Variants in SLIT2 observed in about 807,000 individuals in gnomAD.
The protein encoded by SLIT2 is slit guidance ligand 2, also known as slit homolog 2 protein.
Under a neutral mutation model 185.7 loss-of-function variants are expected in SLIT2, and 41 were observed. The observed-to-expected ratio is 0.22, with a 90% CI of 0.17 to 0.29. The LOEUF is 0.29. Ranked by LOEUF, SLIT2 falls within the 10% of genes least tolerant of loss-of-function variation. The pLI, the probability that SLIT2 is intolerant of heterozygous loss-of-function variation, is 1.00. For synonymous variants in SLIT2, 693 were observed against 680.2 expected, an observed-to-expected ratio of 1.02 and a Z score of -0.29; for missense variants, 1,571 against 1,909.0, an observed-to-expected ratio of 0.82 and a Z score of 3.30.
rs560473998 is a variant in SLIT2 at position 20,438,992 on chromosome 4, G to C, written c.396-28760G>C. Among the ~76,000 whole-genome samples, 3 of 152,174 alleles carry C rather than the reference G, an allele frequency of 2.0e-5. No individual in the cohort carries two copies. The East Asian group carries it at 5.8e-4, about 29-fold the overall frequency. ...ATACTATATTGTTTACTTATCTGCT[G>C]TTGTCTCTCTTCTCTCATTAGAATG... On this transcript the variant is annotated intron_variant, in intron 4 of 36. Transcript: ENST00000504154.
chr4:20,548,737 T>C (rs139349120), intron 23 of SLIT2, among the ~76,000 whole-genome samples, 178 bp downstream of exon 23: 2 of 152,020 alleles, frequency 1.3e-5, no homozygotes, highest in African/African-American at 4.8e-5. Flanking sequence ...AGTATTGCGT[T>C]CTATTAAAAA....
intron 15 of SLIT2, among the ~76,000 whole-genome samples, chr4:20,527,170 TC>T (rs1467163406): frequency 2.0e-5 from 3 of 152,214 alleles, no homozygotes; most frequent in Non-Finnish European, 4.4e-5. Context: ...GTAATGATTG[TC>T]CTTGAGGATC....
chr4:20,412,575 A>G (rs576701532), intron 4 of SLIT2, among the ~76,000 whole-genome samples: 2 of 152,266 alleles, frequency 1.3e-5, no homozygotes, highest in Non-Finnish European at 2.9e-5. Context: ...CTATTTTGTC[A>G]TGCAAGCATC....
Position 20,511,046 on chromosome 4 carries a change from A to C in SLIT2, c.987-20A>C, listed in dbSNP as rs1388502555. ...ACTGACATTTGATTGAATGTAACCTAACCCTATTTCTAATCTTAGTGACCT... is the reference window on the plus strand; with the variant it reads ...ACTGACATTTGATTGAATGTAACCTCACCCTATTTCTAATCTTAGTGACCT... On this transcript the variant is annotated intron_variant, in intron 10 of 36. Coordinates refer to ENST00000504154, the MANE Select transcript of SLIT2 (RefSeq NM_004787.4). 6.6e-7 allele frequency: 1 copy of C among 1,508,352 alleles called. No individual in the cohort carries two copies. The highest frequency in any genetic ancestry group is 2.3e-5 in the East Asian group (1 of 44,298). 93.4% of individuals were successfully genotyped at this position (1,508,352 alleles called of 1,614,324 possible).
At chr4:20,614,202 T>G (rs927154722) in intron 34 of SLIT2, among the ~76,000 whole-genome samples, 3 of 152,112 alleles carry the variant, frequency 2.0e-5, no homozygotes, top group Non-Finnish European at 4.4e-5. Flanking sequence ...TTCATGTTTT[T>G]CTGTCTGTAG....
chr4:20,533,021 C>T (rs919656767), intron 17 of SLIT2, among the ~76,000 whole-genome samples: 1 of 152,198 alleles, frequency 6.6e-6, no homozygotes, highest in Non-Finnish European at 1.5e-5. Context: ...ACTAGATACT[C>T]TTGCCTTCTG....
At chr4:20,370,366 C>T (rs185623988) in intron 4 of SLIT2, among the ~76,000 whole-genome samples, 5 of 152,100 alleles carry the variant, frequency 3.3e-5, no homozygotes, top group Admixed American at 6.6e-5. Flanking sequence ...CTCCCTGAGG[C>T]GGCCAATGCC....
At chr4:20,526,330 T>A (rs779954116) in intron 15 of SLIT2, among the ~76,000 whole-genome samples, 56 of 152,160 alleles carry the variant, frequency 3.7e-4, no homozygotes, top group Admixed American at 1.5e-3. Flanking sequence ...ACTGGCTGCA[T>A]AACAAGTAAC....
chr4:20,378,259 T>C (rs530289711), intron 4 of SLIT2, among the ~76,000 whole-genome samples: 73 of 152,268 alleles, frequency 4.8e-4, no homozygotes, highest in African/African-American at 1.7e-3. Context: ...TTTCACATAA[T>C]AGAAAAAAAT....
At chr4:20,432,068 TGAAGGAAG>T (rs943832758) in intron 4 of SLIT2, among the ~76,000 whole-genome samples, 2 of 151,610 alleles carry the variant, frequency 1.3e-5, no homozygotes, top group African/African-American at 2.4e-5. Context: ...TGTGAATGAA[TGAAGGAAG>T]GAAGGAAGGA....
intron 26 of SLIT2, among the ~76,000 whole-genome samples, chr4:20,556,595 C>A (rs909709345): frequency 6.6e-6 from 1 of 152,000 alleles, no homozygotes; most frequent in Non-Finnish European, 1.5e-5. Flanking sequence ...CTCTCTTTCA[C>A]CTTGGGAATC....
chr4:20,572,467 A>T (rs1352209613), intron 29 of SLIT2, among the ~76,000 whole-genome samples: 1 of 152,078 alleles, frequency 6.6e-6, no homozygotes, highest in East Asian at 1.9e-4. Flanking sequence ...TTGTTTGGTT[A>T]TTTTTTTAAA....
intron 4 of SLIT2, among the ~76,000 whole-genome samples, chr4:20,283,258 C>G (rs1714963313): frequency 6.6e-6 from 1 of 152,198 alleles, no homozygotes; most frequent in Admixed American, 6.5e-5. Flanking sequence ...ACCTGCTGTG[C>G]ACAGCATTCT....
chr4:20,314,003 G>T (rs1371119565), intron 4 of SLIT2, among the ~76,000 whole-genome samples: 1 of 152,152 alleles, frequency 6.6e-6, no homozygotes, highest in African/African-American at 2.4e-5. Context: ...TCTTATGACT[G>T]CAAATTGTAT....
intron 4 of SLIT2, among the ~76,000 whole-genome samples, chr4:20,467,085 G>A (rs1197276214): frequency 6.6e-6 from 1 of 152,124 alleles, no homozygotes; most frequent in Non-Finnish European, 1.5e-5. Context: ...GCTTTGTTCA[G>A]TGATTAAAAT....
chr4:20,300,251 T>C (rs542491074), intron 4 of SLIT2, among the ~76,000 whole-genome samples: 8 of 152,106 alleles, frequency 5.3e-5, no homozygotes, highest in Non-Finnish European at 1.2e-4. Context: ...CAATGAATCA[T>C]TTAGGATGGT....
chr4:20,600,539 C>G (rs1000127615), intron 33 of SLIT2, among the ~76,000 whole-genome samples: 1 of 150,382 alleles, frequency 6.6e-6, no homozygotes, highest in Non-Finnish European at 1.5e-5. Flanking sequence ...TCTCCTGCCT[C>G]GGCCTCCCAA....
At chr4:20,362,274 G>T (rs1233798170) in intron 4 of SLIT2, among the ~76,000 whole-genome samples, 1 of 152,118 alleles carries the variant, frequency 6.6e-6, no homozygotes, top group Non-Finnish European at 1.5e-5. Flanking sequence ...CTTGGAGTCA[G>T]TTGTGGAGCA....
intron 4 of SLIT2, among the ~76,000 whole-genome samples, chr4:20,451,432 G>A (rs1042246419): frequency 6.6e-5 from 10 of 152,110 alleles, no homozygotes; most frequent in African/African-American, 2.2e-4. Flanking sequence ...AATGCTATAA[G>A]TCAGAAAAGG....
Sources: gnomAD v4.1 joint callset for allele counts (sites outside exome capture counted in the v4.1 genomes callset) on GRCh38, gnomAD v4.1.1 for gene constraint, MANE v1.5 for transcripts, NCBI Gene and HGNC (gene_info 2026-07-23, HGNC 2026-07-21) for gene names.